Variants in DNM2 observed in about 807,000 individuals in gnomAD.
DNM2 encodes dynamin 2.
In DNM2, 15 loss-of-function variants were observed where a neutral mutation model predicts 99.0. The observed-to-expected ratio is 0.15, with a 90% CI of 0.10 to 0.23. The LOEUF is 0.23. Among genes scored for constraint, DNM2 ranks in the 10% least tolerant of loss-of-function variants. The pLI, the probability that DNM2 is intolerant of heterozygous loss-of-function variation, is 1.00. For missense variants in DNM2, 742 were observed against 1,189.4 expected (o/e 0.62, Z 5.53); for synonymous variants, 525 against 481.2 (o/e 1.09, Z -1.19).
At chr19:10,825,674 AAG>A (rs561156273) in intron 18 of DNM2, among the ~76,000 whole-genome samples, 35 of 138,808 alleles carry the variant, frequency 2.5e-4, no homozygotes, top group Admixed American at 1.6e-4. Flanking sequence ...GTCTCAAGAA[AAG>A]AGAGAGAGAG....
At position 10,798,542 on chromosome 19, in the gene DNM2, C is replaced by A. The variant is rs2146038976; in HGVS notation, c.1392C>A (p.Ile464=). 2.5e-6 allele frequency: 4 copies of A among 1,614,230 alleles called. No individual in the cohort carries two copies. Among genetic ancestry groups the A allele is most frequent in the Non-Finnish European group, 3.4e-6 (4 of 1,180,040 alleles). ...CAGAGCGAATCGTCACCACTTACAT[C>A]CGGGAACGGGAGGGGAGAACGAAGG... is the stretch of plus-strand genomic sequence containing the variant. ...EETERIVTTY[I]REREGRTKDQ... The change falls in exon 11 of 21, where the codon ATC becomes ATA. Residue 464 remains isoleucine, a synonymous_variant. Transcript: ENST00000389253.
chr19:10,722,075 T>C (rs2068958893), intron 1 of DNM2, among the ~76,000 whole-genome samples: 1 of 152,124 alleles, frequency 6.6e-6, no homozygotes, highest in South Asian at 2.1e-4. Flanking sequence ...AGATGGGTGA[T>C]TGGGTGATGC....
intron 18 of DNM2, among the ~76,000 whole-genome samples, chr19:10,827,000 C>G (rs573926917): frequency 6.6e-6 from 1 of 152,122 alleles, no homozygotes; most frequent in Admixed American, 6.5e-5. Context: ...TCTGTACTCC[C>G]AGCACTTTGG....
rs567374472 is a variant in DNM2, at chr19:10,775,020, C to G, written c.386-683C>G. On this transcript the variant is annotated intron_variant, in intron 3 of 20. Transcript: ENST00000389253. The surrounding 1 kb of genome is among the most constrained non-coding windows in gnomAD (Gnocchi z 4.3). ...TCCTGAGCTCAAGTGATCTACCCAT[C>G]ATGGCCTCCCAAAGTGCTGGGATGA... Among the ~76,000 whole-genome samples the G allele has an allele frequency of 8.5e-5, 13 of 152,200 alleles. No individual in the cohort carries two copies. The highest frequency in any genetic ancestry group is 8.5e-4 in the Admixed American group (13 of 15,270).
At chr19:10,762,785 G>A (rs1262424134) in intron 2 of DNM2, among the ~76,000 whole-genome samples, 1 of 152,198 alleles carries the variant, frequency 6.6e-6, no homozygotes, top group African/African-American at 2.4e-5. Flanking sequence ...AGGCCAAGGT[G>A]TGACTTGACC....
In DNM2 at chr19:10,759,779, C is replaced by T; in HGVS notation, c.203C>T (p.Pro68Leu). The change falls in exon 2 of 21, where the codon CCT (proline) becomes CTT (leucine). Residue 68 changes from proline (P) to leucine (L), a missense_variant. Pro to Leu is a moderately conservative substitution (Grantham distance 98). Around this residue, in one of 7 missense-constraint regions of DNM2, gnomAD observed 192 missense variants for 358.9 expected, o/e 0.54. Transcript: ENST00000389253. ...GGTTCAGGAATCGTCACCCGGCGGC[C>T]TCTCATTCTGCAGCTCATCTTCTCA... ...PRGSGIVTRR[P>L]LILQLIFSKT... 6.2e-7 allele frequency: 1 copy of T among 1,614,212 alleles called. No individual in the cohort carries two copies. The highest frequency in any genetic ancestry group is 8.5e-7 in the Non-Finnish European group (1 of 1,180,042).
rs79739259 is a variant in DNM2 at position 10,718,807 on chromosome 19, T to C, written c.161+404T>C. Among the ~76,000 whole-genome samples the C allele has an allele frequency of 6.8e-3, 1,030 of 152,210 alleles. 63 individuals are homozygous for C. In the East Asian group the frequency reaches 0.15, roughly 22 times the overall value. Reference sequence around the variant, plus strand: ...ATATCTATTGGGGCGACCGCTGCGGTCTGGCTGGCTTGTTCTTGTATCTGG... The same window carrying C: ...ATATCTATTGGGGCGACCGCTGCGGCCTGGCTGGCTTGTTCTTGTATCTGG... On this transcript the variant is annotated intron_variant, in intron 1 of 20. Transcript: ENST00000389253.
chr19:10,774,794 T>TTTG (rs2071098496), intron 3 of DNM2, among the ~76,000 whole-genome samples: 1 of 150,342 alleles, frequency 6.7e-6, no homozygotes, highest in Non-Finnish European at 1.5e-5. Context: ...TTTTTTTTTT[T>TTTG]GAGACAGGGT....
At chr19:10,751,828 A>C (rs2070206081) in intron 1 of DNM2, among the ~76,000 whole-genome samples, 1 of 152,254 alleles carries the variant, frequency 6.6e-6, no homozygotes, top group Non-Finnish European at 1.5e-5. Context: ...AATAACACTC[A>C]AAATTTTAAG....
intron 1 of DNM2, among the ~76,000 whole-genome samples, chr19:10,735,780 C>G (rs979467605): frequency 3.3e-5 from 5 of 151,936 alleles, no homozygotes; most frequent in Non-Finnish European, 7.4e-5. Context: ...TCCCAAAGTG[C>G]TGGGATTACA....
At chr19:10,778,577 A>C (rs1378827174) in intron 5 of DNM2, among the ~76,000 whole-genome samples, 1 of 152,080 alleles carries the variant, frequency 6.6e-6, no homozygotes, top group Non-Finnish European at 1.5e-5. Context: ...GCTTGAGCCC[A>C]GGAGTTCGAA....
At chr19:10,736,008 G>A (rs983251685) in intron 1 of DNM2, among the ~76,000 whole-genome samples, 2 of 152,002 alleles carry the variant, frequency 1.3e-5, no homozygotes, top group African/African-American at 4.8e-5. Context: ...AGTGGCTGAC[G>A]CCTGTAATCC....
At chr19:10,786,339 G>A (rs894355459) in intron 6 of DNM2, 3 of 680,572 alleles carry the variant, frequency 4.4e-6, no homozygotes, top group African/African-American at 3.5e-5. Flanking sequence ...GGCCCCGTGG[G>A]CTGTTTGTAG....
At chr19:10,741,039 T>C (rs1375470745) in intron 1 of DNM2, among the ~76,000 whole-genome samples, 1 of 152,212 alleles carries the variant, frequency 6.6e-6, no homozygotes, top group East Asian at 1.9e-4. Flanking sequence ...ATGATAAGAA[T>C]GTGTATTTTA....
At chr19:10,747,254 G>A (rs960731447) in intron 1 of DNM2, among the ~76,000 whole-genome samples, 1 of 152,110 alleles carries the variant, frequency 6.6e-6, no homozygotes, top group Non-Finnish European at 1.5e-5. Flanking sequence ...CCTCTCTGAG[G>A]CAGGTGGCAT....
At chr19:10,734,714 TAAA>T (rs546377594) in intron 1 of DNM2, among the ~76,000 whole-genome samples, 122 of 145,840 alleles carry the variant, frequency 8.4e-4, no homozygotes, top group African/African-American at 3.0e-3. Flanking sequence ...GAGACTAATT[TAAA>T]AAAAAATTTT....
chr19:10,786,746 C>T (rs749524300), intron 7 of DNM2, 40 bp downstream of exon 7: 5 of 1,613,084 alleles, frequency 3.1e-6, no homozygotes, highest in South Asian at 1.1e-5. Flanking sequence ...CACCCTGGCC[C>T]CTGCCTTCCA....
chr19:10,772,572 G>A lies in DNM2; in HGVS notation c.329G>A (p.Gly110Glu), dbSNP rs2071017262. The change falls in exon 3 of 21, where the codon GGG becomes GAG. Residue 110 changes from glycine to glutamate, a missense_variant. Around this residue, in one of 7 missense-constraint regions of DNM2, gnomAD observed 192 missense variants for 358.9 expected, o/e 0.54. Transcript: ENST00000389253. This position sits in a 1 kb window ranked among gnomAD's most constrained non-coding sequence, Gnocchi z 4.9. ...EIEAETDRVTGTNKGISPVPI... is the reference protein window; with the variant it reads ...EIEAETDRVTETNKGISPVPI... ...GAAGCAGAGACCGACAGGGTCACGG[G>A]GACCAACAAAGGCATCTCCCCAGTG... 2 of 1,614,102 alleles carry A rather than the reference G, an allele frequency of 1.2e-6. No individual in the cohort carries two copies. Among genetic ancestry groups the A allele is most frequent in the Admixed American group, 3.3e-5 (2 of 60,002 alleles).
intron 2 of DNM2, among the ~76,000 whole-genome samples, chr19:10,766,494 G>T (rs2070799744): frequency 6.6e-6 from 1 of 152,198 alleles, no homozygotes; most frequent in Non-Finnish European, 1.5e-5. Context: ...TGAGGTGCAG[G>T]GGATTGACTG....
Sources: gnomAD v4.1 joint callset for allele counts (sites outside exome capture counted in the v4.1 genomes callset) on GRCh38, gnomAD v4.1.1 for gene constraint, gnomAD v4.1.1 regional missense constraint, Gnocchi (gnomAD v3.1) non-coding constraint, MANE v1.5 for transcripts, NCBI Gene and HGNC (gene_info 2026-07-23, HGNC 2026-07-21) for gene names.